PTPRD: variants seen among roughly 807,000 people sequenced by gnomAD.
PTPRD encodes receptor-type tyrosine-protein phosphatase delta.
In PTPRD, 34 loss-of-function variants were observed where a neutral mutation model predicts 214.5. That is an observed-to-expected ratio of 0.16 (90% CI 0.12 to 0.21). The LOEUF (loss-of-function observed/expected upper bound fraction) is 0.21. Among genes scored for constraint, PTPRD ranks in the 10% least tolerant of loss-of-function variants. The pLI is 1.00. For synonymous variants in PTPRD, 1,128 were observed against 845.7 expected (o/e 1.33, Z -5.79); for missense variants, 2,545 against 2,398.7 (o/e 1.06, Z -1.27).
At position 9,027,112 on chromosome 9, in the gene PTPRD, G is replaced by C. The variant is rs562588181; in HGVS notation, c.-142-8377C>G. Among the ~76,000 whole-genome samples the C allele has an allele frequency of 3.0e-4, 46 of 151,680 alleles. 1 individual carries two copies. The South Asian group carries it at 9.4e-3, about 31-fold the overall frequency. Reference sequence around the variant, plus strand: ...CATTACTATTTCAGATTGTACTTCAGCTTTCTTGCATGACATCTGGCATAC... The same window carrying C: ...CATTACTATTTCAGATTGTACTTCACCTTTCTTGCATGACATCTGGCATAC... On this transcript the variant is annotated intron_variant, in intron 10 of 45. Coordinates refer to ENST00000381196, the MANE Select transcript of PTPRD (RefSeq NM_002839.4).
chr9:8,962,851 G>C (rs1014034272), intron 11 of PTPRD: 1 of 152,024 alleles, frequency 6.6e-6, no homozygotes, highest in African/African-American at 2.4e-5. Context: ...GGCATTTCTT[G>C]AAAACAGTAT....
chr9:10,151,985 T>C (rs2099064074), intron 3 of PTPRD, among the ~76,000 whole-genome samples: 1 of 152,332 alleles, frequency 6.6e-6, no homozygotes, highest in African/African-American at 2.4e-5. Flanking sequence ...GCAAGTATGA[T>C]TGAAGCTGCT....
intron 9 of PTPRD, among the ~76,000 whole-genome samples, chr9:9,221,656 C>A (rs2099956123): frequency 6.6e-6 from 1 of 151,902 alleles, no homozygotes; most frequent in African/African-American, 2.4e-5. Flanking sequence ...CTCTTATGAC[C>A]TTATTTAAAC....
At chr9:8,393,219 G>A (rs2090155136) in intron 36 of PTPRD, among the ~76,000 whole-genome samples, 1 of 152,082 alleles carries the variant, frequency 6.6e-6, no homozygotes, top group African/African-American at 2.4e-5. Flanking sequence ...TTCTGCTAAT[G>A]CAACATTAAT....
intron 8 of PTPRD, among the ~76,000 whole-genome samples, chr9:9,410,867 T>C (rs1284137505): frequency 2.0e-5 from 3 of 152,220 alleles, no homozygotes; most frequent in African/African-American, 7.2e-5. Context: ...AGCAGAACTC[T>C]GCGACCACGG....
chr9:9,400,156 G>A (rs530904477), intron 8 of PTPRD, among the ~76,000 whole-genome samples: 16 of 142,330 alleles, frequency 1.1e-4, no homozygotes, highest in African/African-American at 3.9e-4. Context: ...TGAGTTGTAA[G>A]TACCCATTGA....
intron 2 of PTPRD, among the ~76,000 whole-genome samples, chr9:10,595,372 T>C (rs1406339016): frequency 6.6e-6 from 1 of 151,886 alleles, no homozygotes; most frequent in Non-Finnish European, 1.5e-5. Context: ...TTCCCTCAAA[T>C]AGCCAATAAT....
intron 3 of PTPRD, among the ~76,000 whole-genome samples, chr9:10,310,023 G>A (rs2096224198): frequency 6.6e-6 from 1 of 152,018 alleles, no homozygotes; most frequent in Admixed American, 6.6e-5. Context: ...GAGATCCCCT[G>A]AGGTATCATA....
At chr9:9,271,105 T>TA (rs1241120200) in intron 9 of PTPRD, among the ~76,000 whole-genome samples, 1 of 151,290 alleles carries the variant, frequency 6.6e-6, no homozygotes, top group African/African-American at 2.4e-5. Context: ...ATGCTGCTGA[T>TA]ATGAAGCCTG....
chr9:10,203,928 C>T (rs2099449115), intron 3 of PTPRD, among the ~76,000 whole-genome samples: 1 of 152,148 alleles, frequency 6.6e-6, no homozygotes, highest in East Asian at 1.9e-4. Flanking sequence ...AAGCTAAATC[C>T]TATCATCATT....
chr9:9,956,648 G>T (rs538066396), intron 4 of PTPRD, among the ~76,000 whole-genome samples: 3 of 152,094 alleles, frequency 2.0e-5, no homozygotes, highest in Admixed American at 2.0e-4. Context: ...GATAATTAAG[G>T]TAGGACATAT....
chr9:9,874,938 G>T (rs986681359), intron 5 of PTPRD, among the ~76,000 whole-genome samples: 4 of 152,094 alleles, frequency 2.6e-5, no homozygotes, highest in Non-Finnish European at 4.4e-5. Context: ...GTTTATAATA[G>T]ATAGATTACC....
At chr9:9,742,517 G>A (rs1329887275) in intron 6 of PTPRD, among the ~76,000 whole-genome samples, 1 of 151,924 alleles carries the variant, frequency 6.6e-6, no homozygotes, top group African/African-American at 2.4e-5. Flanking sequence ...GAAGAAAAGG[G>A]TACTATTCAT....
At chr9:10,175,992 G>A (rs1207543212) in intron 3 of PTPRD, among the ~76,000 whole-genome samples, 1 of 151,866 alleles carries the variant, frequency 6.6e-6, no homozygotes, top group Non-Finnish European at 1.5e-5. Context: ...AAACTAAACT[G>A]CAAATGGCTT....
chr9:9,823,393 G>A (rs1481353023), intron 5 of PTPRD, among the ~76,000 whole-genome samples: 1 of 151,996 alleles, frequency 6.6e-6, no homozygotes, highest in African/African-American at 2.4e-5. Context: ...ACTTACTATT[G>A]CAAAGACAGC....
chr9:8,488,064 A>G (rs1159333605), intron 27 of PTPRD, among the ~76,000 whole-genome samples: 2 of 152,126 alleles, frequency 1.3e-5, no homozygotes, highest in African/African-American at 2.4e-5. Flanking sequence ...GATGGTAGGA[A>G]AGGAGGAAAG....
chr9:8,564,604 G>A (rs2088078366), intron 14 of PTPRD, among the ~76,000 whole-genome samples: 1 of 152,140 alleles, frequency 6.6e-6, no homozygotes, highest in Non-Finnish European at 1.5e-5. Context: ...AGGGGCTGAG[G>A]CAGGAGAATT....
chr9:9,023,233 C>T (rs558575195), intron 10 of PTPRD, among the ~76,000 whole-genome samples: 1 of 152,222 alleles, frequency 6.6e-6, no homozygotes, highest in East Asian at 1.9e-4. Context: ...CTTGATATTA[C>T]TCAAAAGAAA....
chr9:10,046,516 T>A (rs1053375234), intron 3 of PTPRD, among the ~76,000 whole-genome samples: 1 of 151,870 alleles, frequency 6.6e-6, no homozygotes, highest in Non-Finnish European at 1.5e-5. Flanking sequence ...TCTAGGCACA[T>A]GTCACTCTGA....
Sources: allele counts gnomAD v4.1 joint callset (sites outside exome capture counted in the v4.1 genomes callset), GRCh38; gene constraint gnomAD v4.1.1; transcripts MANE v1.5; gene names NCBI Gene and HGNC (gene_info 2026-07-23, HGNC 2026-07-21).